Variants in POLI observed in about 807,000 individuals in gnomAD.
POLI encodes the protein RAD30 homolog B.
In POLI, 58 loss-of-function variants were observed where a neutral mutation model predicts 51.6. That is an observed-to-expected ratio of 1.12 (90% CI 0.91 to 1.40). The LOEUF (loss-of-function observed/expected upper bound fraction) is 1.40, where lower values mean the gene tolerates loss of function less well. Ranked by LOEUF, POLI falls within the 40% of genes most tolerant of loss-of-function variation. POLI has a pLI of 0.00. For synonymous variants in POLI, 322 were observed against 299.7 expected (o/e 1.07, Z -0.77); for missense variants, 921 against 871.3 (o/e 1.06, Z -0.72).
At chr18:54,280,945 T>A in intron 5 of POLI, 42 bp downstream of exon 5, 1 of 1,041,898 alleles carries the variant, frequency 9.6e-7, no homozygotes, top group Non-Finnish European at 1.4e-6. Flanking sequence ...CGTCTTATTT[T>A]ATTTCTTTTA....
intron 7 of POLI, among the ~76,000 whole-genome samples, chr18:54,286,551 C>T (rs1008823138): frequency 1.3e-5 from 2 of 151,682 alleles, no homozygotes; most frequent in South Asian, 2.1e-4. Flanking sequence ...TTGGTAATCT[C>T]GTAAGAAAAA....
At chr18:54,284,121 C>G (rs2087642846) in intron 7 of POLI, 108 bp downstream of exon 7, 5 of 517,766 alleles carry the variant, frequency 9.7e-6, no homozygotes. Context: ...TATCTGGAGA[C>G]TAAACAATGT....
intron 7 of POLI, chr18:54,284,772 A>G (rs2087673359): frequency 6.6e-6 from 1 of 152,296 alleles, no homozygotes; most frequent in South Asian, 2.1e-4. Context: ...TGTAAAGAGT[A>G]TCAACTGGGG....
chr18:54,269,657 G>T lies in POLI; in HGVS notation c.111G>T (p.Ser37=), dbSNP rs907632545. The change falls in exon 1 of 10, where the codon TCG becomes TCT. Residue 37 remains serine, a synonymous_variant. Transcript: ENST00000579534. ...CGGACGTGGGGGCGGCAGCCAGCTC[G>T]CAGGGTGCGCCGCAGCCAGAGGAGC... The part of the protein sequence containing the change: ...ELADVGAAAS[S]QGVHDQVLPT... The T allele has an allele frequency of 4.4e-5, 66 of 1,505,426 alleles. No individual in the cohort carries two copies. The Middle Eastern group carries it at 9.8e-4, about 22-fold the overall frequency. 93.3% of individuals were successfully genotyped at this position (1,505,426 alleles called of 1,614,324 possible).
intron 5 of POLI, 136 bp from the exon 6 acceptor site, chr18:54,282,701 T>C (rs2087559607): frequency 1.8e-6 from 1 of 567,292 alleles, no homozygotes; most frequent in Admixed American, 3.1e-5. Context: ...TTAGAATGTA[T>C]CCCCTGTGGA....
intron 3 of POLI, among the ~76,000 whole-genome samples, chr18:54,315,236 G>T (rs1187370095): frequency 6.6e-6 from 1 of 152,134 alleles, no homozygotes; most frequent in South Asian, 2.1e-4. Context: ...CCATTCAGGA[G>T]CAAGTTGTTT....
intron 8 of POLI, among the ~76,000 whole-genome samples, chr18:54,288,602 G>A (rs571754641): frequency 1.7e-4 from 26 of 151,440 alleles, no homozygotes; most frequent in African/African-American, 5.3e-4. Flanking sequence ...TCCACCCTGT[G>A]GTGGTCTCTG....
rs890011243 is a variant in POLI at position 54,296,637 on chromosome 18, CTT to C, written c.*2171_*2172del. 1.2e-5 allele frequency: 2 copies of C among 160,658 alleles called. No individual in the cohort carries two copies. Among genetic ancestry groups the C allele is most frequent in the African/African-American group, 4.8e-5 (2 of 41,646 alleles). The allele number at this position is 160,658 out of a possible 1,614,324, so 10.0% of individuals were successfully genotyped here. A position where few individuals can be genotyped will look rare whatever the true frequency, so the allele number is the denominator to read the frequency against. ...CTTTCTTACTGTATCCTTCATGTCT[CTT>C]AATTTCTCATATTTTTCATCCTCTT... is the stretch of plus-strand genomic sequence containing the variant. On this transcript the variant is annotated 3_prime_UTR_variant, in exon 10 of 10. Transcript: ENST00000579534.
intron 3 of POLI, among the ~76,000 whole-genome samples, chr18:54,308,401 A>G (rs1268134493): frequency 6.6e-6 from 1 of 152,200 alleles, no homozygotes; most frequent in Admixed American, 6.5e-5. Flanking sequence ...AGAATGTTGA[A>G]TATTGGCTCC....
chr18:54,289,198 G>GT (rs370999857), intron 8 of POLI, among the ~76,000 whole-genome samples: 77,281 of 132,566 alleles, frequency 0.58, 22,473 homozygotes, highest in Middle Eastern at 0.73. Flanking sequence ...CTGCTCAAGT[G>GT]TTTTTTTTTT....
At chr18:54,277,197 C>T (rs951243802) in intron 3 of POLI, among the ~76,000 whole-genome samples, 5 of 152,066 alleles carry the variant, frequency 3.3e-5, no homozygotes, top group African/African-American at 9.7e-5. Flanking sequence ...AAAAATACCA[C>T]GTTATAGTAT....
At chr18:54,310,031 C>T (rs568274395) in intron 3 of POLI, among the ~76,000 whole-genome samples, 5 of 152,194 alleles carry the variant, frequency 3.3e-5, no homozygotes, top group Non-Finnish European at 7.3e-5. Flanking sequence ...TTCCCCGGCC[C>T]CTTGTGCTTC....
At chr18:54,274,739 G>A (rs1207070960) in intron 3 of POLI, among the ~76,000 whole-genome samples, 1 of 152,064 alleles carries the variant, frequency 6.6e-6, no homozygotes, top group African/African-American at 2.4e-5. Context: ...ACTTTTAATT[G>A]CGAAAACCGC....
chr18:54,294,580 T>C lies in POLI; in HGVS notation c.*113T>C. ...ATAGATATTCAATAACGGAGTAAAC[T>C]GTTCCAGATAAAGCAAGAATAGTTG... On this transcript the variant is annotated 3_prime_UTR_variant, in exon 10 of 10. Coordinates refer to ENST00000579534, the MANE Select transcript of POLI (RefSeq NM_007195.3). 3.7e-6 allele frequency: 5 copies of C among 1,342,100 alleles called. No individual in the cohort carries two copies. Among genetic ancestry groups the C allele is most frequent in the Non-Finnish European group, 4.8e-6 (5 of 1,050,420 alleles). 83.1% of individuals were successfully genotyped at this position (1,342,100 alleles called of 1,614,324 possible). A position where few individuals can be genotyped will look rare whatever the true frequency, so the allele number is the denominator to read the frequency against.
chr18:54,286,552 G>T (rs572021473), intron 7 of POLI, among the ~76,000 whole-genome samples: 1 of 151,678 alleles, frequency 6.6e-6, no homozygotes, highest in African/African-American at 2.4e-5. Flanking sequence ...TGGTAATCTC[G>T]TAAGAAAAAA....
At chr18:54,290,827 C>G (rs890314943) in intron 8 of POLI, among the ~76,000 whole-genome samples, 5 of 151,956 alleles carry the variant, frequency 3.3e-5, no homozygotes, top group African/African-American at 1.2e-4. Context: ...CGGGGCCTAT[C>G]TGGATGGAGG....
At chr18:54,311,160 G>A in intron 3 of POLI, 1 of 949,152 alleles carries the variant, frequency 1.1e-6, no homozygotes, top group Non-Finnish European at 1.3e-6. Context: ...TGGAAAGCTG[G>A]AGAAGTTACT....
At chr18:54,279,788 A>G (rs2144503546) in intron 4 of POLI, among the ~76,000 whole-genome samples, 1 of 152,316 alleles carries the variant, frequency 6.6e-6, no homozygotes, top group African/African-American at 2.4e-5. Flanking sequence ...TACACTTTTC[A>G]TAAAAGAGCT....
At chr18:54,317,164 C>G (rs2088743712) in intron 3 of POLI, among the ~76,000 whole-genome samples, 1 of 152,144 alleles carries the variant, frequency 6.6e-6, no homozygotes, top group Non-Finnish European at 1.5e-5. Context: ...CCCTTGCTCC[C>G]TTGCCTTCTT....
Sources: gnomAD v4.1 joint callset for allele counts (sites outside exome capture counted in the v4.1 genomes callset) on GRCh38, gnomAD v4.1.1 for gene constraint, MANE v1.5 for transcripts, NCBI Gene and HGNC (gene_info 2026-07-23, HGNC 2026-07-21) for gene names.